Variants in CPXM2 observed in about 807,000 individuals in gnomAD.
The protein encoded by CPXM2 is carboxypeptidase X, M14 family member 2, also known as inactive carboxypeptidase-like protein X2.
In CPXM2, 66 loss-of-function variants were observed where a neutral mutation model predicts 86.1. The ratio of observed to expected loss-of-function variants is 0.77; its 90% CI spans 0.63 to 0.94. The LOEUF (loss-of-function observed/expected upper bound fraction) is 0.94. CPXM2 is among the 40% of genes least tolerant of loss of function. The probability of loss-of-function intolerance (pLI) is 0.00; values close to 1 mark genes in which losing one functional copy is unlikely to be tolerated. For missense variants in CPXM2, 948 were observed against 1,026.3 expected (o/e 0.92, Z 1.04); for synonymous variants, 388 against 400.2 (o/e 0.97, Z 0.36).
upstream of CPXM2, among the ~76,000 whole-genome samples, chr10:123,892,913 C>T (rs545528307): frequency 3.9e-5 from 6 of 152,314 alleles, no homozygotes; most frequent in Admixed American, 2.6e-4. Flanking sequence ...CACGTGGGCC[C>T]GGCATCTCAG....
At chr10:123,940,732 G>T (rs2134295773), upstream of CPXM2, among the ~76,000 whole-genome samples, 1 of 152,254 alleles carries the variant, frequency 6.6e-6, no homozygotes, top group African/African-American at 2.4e-5. Context: ...TGGGACCATG[G>T]ATTAGCTCAA....
At chr10:123,811,538 G>A (rs1056859467) in intron 4 of CPXM2, among the ~76,000 whole-genome samples, 20 of 152,090 alleles carry the variant, frequency 1.3e-4, no homozygotes, top group African/African-American at 4.6e-4. Context: ...GAGTATGGAA[G>A]AAATTTATAT....
chr10:123,786,382 TGA>T (rs924740870), intron 6 of CPXM2, among the ~76,000 whole-genome samples: 8 of 152,108 alleles, frequency 5.3e-5, no homozygotes, highest in Non-Finnish European at 8.8e-5. Context: ...AGAGAGAGAA[TGA>T]GAGACAGAGG....
Position 123,830,436 on chromosome 10 carries a change from A to G in CPXM2, c.653+11913T>C, listed in dbSNP as rs150474277. On this transcript the variant is annotated intron_variant, in intron 4 of 13. Transcript: ENST00000241305. ...ACCACCAGATGTGGCAAGTGGGCAG[A>G]GTCAGTCACATAAAAGGAGCGCTAG... Among the ~76,000 whole-genome samples, 6 of 152,354 alleles carry G rather than the reference A, an allele frequency of 3.9e-5. No homozygotes were observed. In the East Asian group the frequency reaches 9.7e-4, roughly 25 times the overall value.
chr10:123,757,490 T>C (rs987229436), intron 11 of CPXM2, 138 bp from the exon 12 acceptor site: 1 of 722,522 alleles, frequency 1.4e-6, no homozygotes, highest in Non-Finnish European at 2.4e-6. Context: ...GTATCTACTA[T>C]AGACAAAAAT....
intron 10 of CPXM2, among the ~76,000 whole-genome samples, chr10:123,762,760 T>C: frequency 6.6e-6 from 1 of 152,218 alleles, no homozygotes; most frequent in Non-Finnish European, 1.5e-5. Context: ...AATTTGAAAG[T>C]TTGATATGGT....
intron 3 of CPXM2, among the ~76,000 whole-genome samples, chr10:123,857,224 T>C (rs1848744807): frequency 6.6e-6 from 1 of 152,058 alleles, no homozygotes; most frequent in African/African-American, 2.4e-5. Flanking sequence ...AAAATTCTAC[T>C]TGAAAAAAAG....
intron 2 of CPXM2, among the ~76,000 whole-genome samples, chr10:123,900,895 T>G (rs1002450161): frequency 1.3e-5 from 2 of 152,238 alleles, no homozygotes; most frequent in African/African-American, 2.4e-5. Flanking sequence ...AGATTTTTTT[T>G]TCTTTTCTAC....
At chr10:123,872,191 C>CA (rs1414828789) in intron 2 of CPXM2, among the ~76,000 whole-genome samples, 5 of 151,660 alleles carry the variant, frequency 3.3e-5, no homozygotes, top group Non-Finnish European at 5.9e-5. Flanking sequence ...GGTATACATG[C>CA]AAAAAAAATT....
In CPXM2 at chr10:123,862,636, T is replaced by C. The variant is rs763012968; in HGVS notation, c.491A>G (p.His164Arg). ...STVKRYGLGAHRGRLNIQAGI... is the reference protein window; with the variant it reads ...STVKRYGLGARRGRLNIQAGI... The stretch of plus-strand genomic sequence containing the variant: ...TACCTGGATGTTGAGTCTCCCTCGA[T>C]GTGCCCCCAGGCCATAGCGCTTCAC... Residue 164 changes from histidine (H) to arginine (R), a missense_variant, in exon 3 of 14, where the codon CAT becomes CGT. Transcript: ENST00000241305. 11 of 1,614,090 alleles carry C rather than the reference T, an allele frequency of 6.8e-6. No individual in the cohort carries two copies. Among genetic ancestry groups the C allele is most frequent in the African/African-American group, 2.7e-5 (2 of 74,940 alleles).
intron 4 of CPXM2, among the ~76,000 whole-genome samples, chr10:123,819,092 T>A (rs61863824): frequency 0.42 from 64,440 of 151,978 alleles, 16,007 homozygotes; most frequent in Non-Finnish European, 0.58. Context: ...TTTGGGCTCC[T>A]CCTACCTTTA....
chr10:123,884,415 CTG>C (rs1945147182), intron 1 of CPXM2, among the ~76,000 whole-genome samples: 1 of 152,222 alleles, frequency 6.6e-6, no homozygotes, highest in Non-Finnish European at 1.5e-5. Flanking sequence ...AACGCCTGCT[CTG>C]TGCGATGTTG....
chr10:123,824,135 C>T (rs1590039344), intron 4 of CPXM2, among the ~76,000 whole-genome samples: 1 of 152,090 alleles, frequency 6.6e-6, no homozygotes. Flanking sequence ...CTTAAGAGTT[C>T]ATATTTTACT....
chr10:123,827,529 A>T (rs1175648164), intron 4 of CPXM2, among the ~76,000 whole-genome samples: 1 of 152,248 alleles, frequency 6.6e-6, no homozygotes, highest in African/African-American at 2.4e-5. Flanking sequence ...CGGGACTCGC[A>T]TGCTGAAAAC....
chr10:123,888,897 G>A (rs1013710156), intron 1 of CPXM2, among the ~76,000 whole-genome samples: 2 of 152,176 alleles, frequency 1.3e-5, no homozygotes, highest in Non-Finnish European at 2.9e-5. Context: ...CGTGTTTTCA[G>A]TATGGGGCTT....
chr10:123,808,490 A>G (rs763775001), intron 4 of CPXM2, among the ~76,000 whole-genome samples: 5 of 152,190 alleles, frequency 3.3e-5, no homozygotes, highest in Non-Finnish European at 5.9e-5. Context: ...GGATCAGAGT[A>G]CTAAGCCTGA....
In CPXM2 at chr10:123,862,633, C is replaced by T. The variant is rs144190123; in HGVS notation, c.494G>A (p.Arg165Gln). The T allele has an allele frequency of 1.2e-4, 191 of 1,614,150 alleles. 2 individuals carry two copies. Among genetic ancestry groups the T allele is most frequent in the South Asian group, 7.5e-4 (68 of 91,074 alleles). Residue 165 changes from arginine (R) to glutamine (Q), a missense_variant, in exon 3 of 14, where the codon CGA becomes CAA. Coordinates refer to ENST00000241305, the MANE Select transcript of CPXM2 (RefSeq NM_198148.3). ...TVKRYGLGAH[R>Q]GRLNIQAGIN... ...AGGTACCTGGATGTTGAGTCTCCCT[C>T]GATGTGCCCCCAGGCCATAGCGCTT... is the stretch of plus-strand genomic sequence containing the variant.
At chr10:123,778,005 G>A (rs530484551) in intron 7 of CPXM2, among the ~76,000 whole-genome samples, 28 of 152,120 alleles carry the variant, frequency 1.8e-4, no homozygotes, top group African/African-American at 3.4e-4. Context: ...CCCTTTCTCC[G>A]CCTTATAGTG....
At chr10:123,923,067 G>A (rs1000352155) in intron 2 of CPXM2, among the ~76,000 whole-genome samples, 28 of 152,212 alleles carry the variant, frequency 1.8e-4, no homozygotes, top group South Asian at 4.1e-4. Context: ...TGGTTCAGGG[G>A]GAAAAGGAGG....
Sources: gnomAD v4.1 joint callset for allele counts (sites outside exome capture counted in the v4.1 genomes callset) on GRCh38, gnomAD v4.1.1 for gene constraint, MANE v1.5 for transcripts, NCBI Gene and HGNC (gene_info 2026-07-23, HGNC 2026-07-21) for gene names.